Variants in MDFIC observed in about 807,000 individuals in gnomAD.
The protein encoded by MDFIC is myoD family inhibitor domain-containing protein.
Under a neutral mutation model 23.2 loss-of-function variants are expected in MDFIC, and 17 were observed. The observed-to-expected ratio is 0.73, with a 90% CI of 0.50 to 1.10. The LOEUF is 1.10. MDFIC is among the 50% of genes least tolerant of loss of function. The probability of loss-of-function intolerance (pLI) is 0.00; values close to 1 mark genes in which losing one functional copy is unlikely to be tolerated. For synonymous variants in MDFIC, 120 were observed against 115.2 expected (o/e 1.04, Z -0.27); for missense variants, 356 against 316.6 (o/e 1.12, Z -0.95).
At chr7:114,962,756 A>G (rs1035962328) in intron 3 of MDFIC, among the ~76,000 whole-genome samples, 5 of 152,368 alleles carry the variant, frequency 3.3e-5, no homozygotes, top group Middle Eastern at 3.4e-3. Context: ...AGACAAAAAT[A>G]TGAAGTTAGA....
At chr7:114,928,490 A>G (rs1325124897) in intron 2 of MDFIC, among the ~76,000 whole-genome samples, 1 of 152,206 alleles carries the variant, frequency 6.6e-6, no homozygotes, top group Non-Finnish European at 1.5e-5. Context: ...TTGGACCAGG[A>G]AGCATAGCAT....
intron 3 of MDFIC, among the ~76,000 whole-genome samples, chr7:114,959,911 A>T (rs1254539866): frequency 6.6e-6 from 1 of 152,044 alleles, no homozygotes; most frequent in Non-Finnish European, 1.5e-5. Context: ...CTTTCTCGTC[A>T]GCCACTTCCT....
At position 114,922,649 on chromosome 7, in the gene MDFIC, C is replaced by A; in HGVS notation, c.-108+13C>A. On this transcript the variant is annotated intron_variant, in intron 1 of 4. Transcript: ENST00000393486. ...GGGGGATGCGGAGGTAGGTAGTGGT[C>A]TCCGGGCGGGGAAGAGGAGGGGTTT... 7.6e-7 allele frequency: 1 copy of A among 1,308,658 alleles called. No homozygotes were observed. The highest frequency in any genetic ancestry group is 9.8e-7 in the Non-Finnish European group (1 of 1,024,418). The allele number at this position is 1,308,658 out of a possible 1,614,324, so 81.1% of individuals were successfully genotyped here.
In MDFIC at chr7:114,922,592, G is replaced by GGAA; in HGVS notation, c.-150_-149insAGA. On this transcript the variant is annotated 5_prime_UTR_variant, in exon 1 of 5. Coordinates refer to ENST00000393486, the MANE Select transcript of MDFIC (RefSeq NM_001166345.3). ...AACTTTCCGGGGCGGAAGAGGAGGA[G>GGAA]GAGGAGGAGGAAGGGGCTTGGAGCG... 1 of 1,269,022 alleles carries GGAA rather than the reference G, an allele frequency of 7.9e-7. No individual in the cohort carries two copies. Among genetic ancestry groups the GGAA allele is most frequent in the Non-Finnish European group, 1.0e-6 (1 of 999,934 alleles). The allele number at this position is 1,269,022 out of a possible 1,614,324, so 78.6% of individuals were successfully genotyped here.
At chr7:114,975,734 CATAA>C (rs1328874101) in intron 3 of MDFIC, among the ~76,000 whole-genome samples, 2 of 151,936 alleles carry the variant, frequency 1.3e-5, no homozygotes, top group African/African-American at 4.8e-5. Context: ...AAGTCATACC[CATAA>C]ATAATTAACA....
chr7:114,953,324 A>G (rs971194679), intron 3 of MDFIC, among the ~76,000 whole-genome samples: 1 of 152,232 alleles, frequency 6.6e-6, no homozygotes, highest in Non-Finnish European at 1.5e-5. Context: ...AAAAATAGGT[A>G]TATATCATAA....
rs963058131 is a variant in MDFIC, at chr7:115,017,137, A to G, written c.*1202A>G. On this transcript the variant is annotated 3_prime_UTR_variant, in exon 5 of 5. Transcript: ENST00000393486. ...ACTGTGTGTGCCTTTAACCAGTTAA[A>G]AGAACAGTGCCTTCAGCATACTTTT... is the stretch of plus-strand genomic sequence containing the variant. The G allele has an allele frequency of 3.9e-5, 6 of 152,208 alleles. No homozygotes were observed. The highest frequency in any genetic ancestry group is 1.4e-4 in the African/African-American group (6 of 41,466). The allele number at this position is 152,208 out of a possible 1,614,324, so 9.4% of individuals were successfully genotyped here. A position where few individuals can be genotyped will look rare whatever the true frequency, so the allele number is the denominator to read the frequency against.
chr7:115,006,771 G>GT, intron 4 of MDFIC, among the ~76,000 whole-genome samples: 1 of 152,176 alleles, frequency 6.6e-6, no homozygotes, highest in Non-Finnish European at 1.5e-5. Flanking sequence ...TGAGTGAACT[G>GT]TTGCACATTG....
chr7:114,992,630 T>A (rs1345643208), intron 4 of MDFIC, among the ~76,000 whole-genome samples: 1 of 152,240 alleles, frequency 6.6e-6, no homozygotes, highest in Non-Finnish European at 1.5e-5. Flanking sequence ...TCTTTGGTTC[T>A]GTTTATATGC....
rs1158263937 is a variant in MDFIC, at chr7:115,018,016, A to G, written c.*2081A>G. On this transcript the variant is annotated 3_prime_UTR_variant, in exon 5 of 5. Coordinates refer to ENST00000393486, the MANE Select transcript of MDFIC (RefSeq NM_001166345.3). ...AAGAAAAAACTTAGCAAACTTTTGA[A>G]TCTTTCTTTTATTGCTATTTACACA... The G allele has an allele frequency of 6.6e-6, 1 of 151,940 alleles. No homozygotes were observed. The highest frequency in any genetic ancestry group is 6.6e-5 in the Admixed American group (1 of 15,250). The allele number at this position is 151,940 out of a possible 1,614,324, so 9.4% of individuals were successfully genotyped here. A position where few individuals can be genotyped will look rare whatever the true frequency, so the allele number is the denominator to read the frequency against.
At chr7:114,992,024 G>A (rs375530185) in intron 4 of MDFIC, among the ~76,000 whole-genome samples, 17 of 151,980 alleles carry the variant, frequency 1.1e-4, no homozygotes, top group African/African-American at 3.9e-4. Flanking sequence ...CTTTTATTTC[G>A]TTGAGCAGTG....
chr7:114,972,405 C>T (rs1317764210), intron 3 of MDFIC, among the ~76,000 whole-genome samples: 2 of 152,076 alleles, frequency 1.3e-5, no homozygotes, highest in Non-Finnish European at 2.9e-5. Flanking sequence ...CCCCACTCTA[C>T]CACCCCCTTA....
intron 4 of MDFIC, among the ~76,000 whole-genome samples, chr7:114,992,517 A>T (rs1447226709): frequency 6.6e-6 from 1 of 152,182 alleles, no homozygotes; most frequent in Non-Finnish European, 1.5e-5. Flanking sequence ...ATTTTGAGAT[A>T]TGTCCCAGCA....
chr7:114,922,274 A>C lies in MDFIC; in HGVS notation c.-470A>C. 551 of 682,076 alleles carry C rather than the reference A, an allele frequency of 8.1e-4. No homozygotes were observed. Among genetic ancestry groups the C allele is most frequent in the Non-Finnish European group, 1.0e-3 (491 of 491,362 alleles). The allele number at this position is 682,076 out of a possible 1,614,324, so 42.3% of individuals were successfully genotyped here. ...TAGCCAAGAGTTCGAGGCCTTCCCG[A>C]TCCGGATGTGATGAAAAAGAGCAAC... On this transcript the variant is annotated 5_prime_UTR_variant, in exon 1 of 5. Coordinates refer to ENST00000393486, the MANE Select transcript of MDFIC (RefSeq NM_001166345.3).
At chr7:114,937,256 G>T (rs967499508) in intron 2 of MDFIC, among the ~76,000 whole-genome samples, 5 of 152,040 alleles carry the variant, frequency 3.3e-5, no homozygotes, top group Non-Finnish European at 7.4e-5. Flanking sequence ...GAAAATAAAG[G>T]GTATTGATTC....
intron 3 of MDFIC, among the ~76,000 whole-genome samples, chr7:114,956,227 C>T (rs1001525928): frequency 6.6e-6 from 1 of 151,994 alleles, no homozygotes; most frequent in Non-Finnish European, 1.5e-5. Context: ...GCATTCTGCC[C>T]TTGTGTTGGC....
intron 3 of MDFIC, among the ~76,000 whole-genome samples, chr7:114,971,977 A>T (rs1005869940): frequency 3.9e-5 from 6 of 152,212 alleles, no homozygotes; most frequent in African/African-American, 1.4e-4. Context: ...AAAACAAAAG[A>T]CAAATAGTAA....
chr7:114,979,683 A>C lies in MDFIC; in HGVS notation c.395A>C (p.His132Pro), dbSNP rs147450241. The C allele has an allele frequency of 9.3e-6, 15 of 1,614,156 alleles. No homozygotes were observed. The East Asian group carries it at 2.7e-4, about 29-fold the overall frequency. Residue 132 changes from histidine (H) to proline (P), a missense_variant, in exon 4 of 5, where the codon CAT (histidine) becomes CCT (proline). By Grantham distance (77) the His-to-Pro change is moderately conservative. Transcript: ENST00000393486. ...TCAGCACCTGTTTCTCAAAAAATGC[A>C]TAGAAAAATTCAGTCCAGCTTGTCT... Reference protein sequence around the residue: ...KLSAPVSQKMHRKIQSSLSVN... With the variant: ...KLSAPVSQKMPRKIQSSLSVN...
At chr7:114,931,819 T>A (rs1241241574) in intron 2 of MDFIC, among the ~76,000 whole-genome samples, 1 of 152,136 alleles carries the variant, frequency 6.6e-6, no homozygotes, top group Non-Finnish European at 1.5e-5. Context: ...TTGGTGAGAA[T>A]TATGCCGTGT....
Sources: allele counts gnomAD v4.1 joint callset (sites outside exome capture counted in the v4.1 genomes callset), GRCh38; gene constraint gnomAD v4.1.1; transcripts MANE v1.5; gene names NCBI Gene and HGNC (gene_info 2026-07-23, HGNC 2026-07-21).